The following APBA3 variants were observed in gnomAD, a reference collection of about 807,000 sequenced individuals.
APBA3 encodes amyloid beta precursor protein binding family A member 3, also known as amyloid-beta A4 precursor protein-binding family A member 3.
Under a neutral mutation model 55.9 loss-of-function variants are expected in APBA3, and 45 were observed. The ratio of observed to expected loss-of-function variants is 0.80; its 90% confidence interval spans 0.63 to 1.03. The LOEUF (loss-of-function observed/expected upper bound fraction) is 1.03, where lower values mean the gene tolerates loss of function less well. APBA3 is among the 50% of genes least tolerant of loss of function. The probability of loss-of-function intolerance (pLI) is 0.00; values close to 1 mark genes in which losing one functional copy is unlikely to be tolerated. For synonymous variants in APBA3, 370 were observed against 353.3 expected (o/e 1.05, Z -0.53); for missense variants, 865 against 820.3 (o/e 1.05, Z -0.67).
intron 9 of APBA3, 35 bp from the exon 10 acceptor site, chr19:3,751,364 G>A (rs1469286176): frequency 6.6e-7 from 1 of 1,518,040 alleles, no homozygotes. Context: ...GAAAGAGGTG[G>A]GGGCTGCTCA....
intron 3 of APBA3, 61 bp downstream of exon 3, chr19:3,759,500 G>A (rs1346757773): frequency 2.0e-6 from 3 of 1,496,826 alleles, no homozygotes; most frequent in African/African-American, 2.8e-5. Context: ...AGGCTGGTGA[G>A]CCTGATTCTG....
Position 3,759,911 on chromosome 19 carries a change from G to T in APBA3, c.354C>A (p.Cys118Ter), listed in dbSNP as rs759206668. The T allele has an allele frequency of 9.3e-6, 15 of 1,611,418 alleles. No homozygotes were observed. The highest frequency in any genetic ancestry group is 1.6e-4 in the Middle Eastern group (1 of 6,072). ...CAGTCTGGGAAGGCGGGCATTCCTC[G>T]CAGTGCAAGAGGCCCAGCAGGTCAT... is the stretch of plus-strand genomic sequence containing the variant. ...GRDDLLGLLH[C>*]EECPPSQTGP... The change falls in exon 2 of 11, where the codon TGC (cysteine) becomes TGA (stop). Residue 118 changes from cysteine to a stop codon, truncating the protein, a stop_gained. Transcript: ENST00000316757. LOFTEE classifies it high-confidence loss of function.
chr19:3,752,332 G>A (rs995158696), intron 8 of APBA3, among the ~76,000 whole-genome samples, 176 bp downstream of exon 8: 3 of 152,134 alleles, frequency 2.0e-5, no homozygotes, highest in African/African-American at 7.2e-5. Context: ...CCCTGGACAA[G>A]TGGCCTCCCT....
chr19:3,753,766 T>C lies in APBA3; in HGVS notation c.1010A>G (p.Asp337Gly). Residue 337 changes from aspartate (D) to glycine (G), a missense_variant and splice_region_variant, in exon 6 of 11, where the codon GAC becomes GGC. Asp to Gly is a moderately conservative substitution (Grantham distance 94). Transcript: ENST00000316757. The part of the protein sequence containing the change: ...KMLCHVFYAE[D>G]AQLIAQAIGQ... ...TGGCCCCGCGCCCTGGCTGCTCACGTCCTCCGCGTAGAATACGTGGCAGAG... is the reference window on the plus strand; with the variant it reads ...TGGCCCCGCGCCCTGGCTGCTCACGCCCTCCGCGTAGAATACGTGGCAGAG... 3 of 1,522,068 alleles carry C rather than the reference T, an allele frequency of 2.0e-6. No individual in the cohort carries two copies. The highest frequency in any genetic ancestry group is 2.6e-6 in the Non-Finnish European group (3 of 1,132,520). The allele number at this position is 1,522,068 out of a possible 1,614,324, so 94.3% of individuals were successfully genotyped here. A position where few individuals can be genotyped will look rare whatever the true frequency, so the allele number is the denominator to read the frequency against.
At position 3,759,679 on chromosome 19, in the gene APBA3, C is replaced by G. The variant is rs1340297812; in HGVS notation, c.576+10G>C. On this transcript the variant is annotated intron_variant, in intron 2 of 10. Transcript: ENST00000316757. Reference sequence around the variant, plus strand: ...AGTCCAGGATGCCTGGAGGGCGGGGCGGGCACTACCTGGGCACCAGCGGGT... The same window carrying G: ...AGTCCAGGATGCCTGGAGGGCGGGGGGGGCACTACCTGGGCACCAGCGGGT... The G allele has an allele frequency of 6.2e-7, 1 of 1,611,134 alleles. No homozygotes were observed. The highest frequency in any genetic ancestry group is 1.7e-5 in the Admixed American group (1 of 59,396).
rs563726209 is a variant in APBA3, at chr19:3,759,822, T to A, written c.443A>T (p.Asp148Val). Residue 148 changes from aspartate to valine, a missense_variant, in exon 2 of 11, where the codon GAT becomes GTT. By Grantham distance (152) the Asp-to-Val change is radical. Coordinates refer to ENST00000316757, the MANE Select transcript of APBA3 (RefSeq NM_004886.4). ...LLQPPEDPDEDSDSPEWVEGA... is the reference protein window; with the variant it reads ...LLQPPEDPDEVSDSPEWVEGA... ...CTCCACCCATTCTGGGGAGTCAGAA[T>A]CCTCATCTGGGTCCTCAGGGGGCTG... 6.2e-7 allele frequency: 1 copy of A among 1,612,540 alleles called. No individual in the cohort carries two copies. Among genetic ancestry groups the A allele is most frequent in the African/African-American group, 1.3e-5 (1 of 74,926 alleles).
chr19:3,759,754 A>C lies in APBA3; in HGVS notation c.511T>G (p.Ser171Ala), dbSNP rs1018253683. 2 of 1,612,330 alleles carry C rather than the reference A, an allele frequency of 1.2e-6. No homozygotes were observed. Among genetic ancestry groups the C allele is most frequent in the African/African-American group, 2.7e-5 (2 of 74,792 alleles). Residue 171 changes from serine to alanine, a missense_variant, in exon 2 of 11, where the codon TCC becomes GCC. Transcript: ENST00000316757. ...EQEGSRSSSS[S>A]PEPWLETVPL... ...ACCGTCTCCAGCCAGGGTTCCGGGG[A>C]ACTGCTTGAGCTCCTGCTGCCCTCC... is the stretch of plus-strand genomic sequence containing the variant.
intron 1 of APBA3, among the ~76,000 whole-genome samples, chr19:3,760,910 C>A (rs1221704350): frequency 6.6e-6 from 1 of 152,008 alleles, no homozygotes; most frequent in Non-Finnish European, 1.5e-5. Flanking sequence ...GAGGCCCTGT[C>A]TTAAAAAAAA....
At chr19:3,751,763 T>TC (rs1599170490) in intron 8 of APBA3, 1 of 590,252 alleles carries the variant, frequency 1.7e-6, no homozygotes, top group African/African-American at 1.9e-5. Flanking sequence ...ATCGCTTCCT[T>TC]ATGGCCAAAA....
intron 8 of APBA3, 57 bp from the exon 9 acceptor site, chr19:3,751,610 G>GC: frequency 2.0e-6 from 3 of 1,524,778 alleles, no homozygotes; most frequent in Non-Finnish European, 1.7e-6. Flanking sequence ...GCAGGTTGTA[G>GC]CCCCCTCTGG....
chr19:3,760,190 A>G lies in APBA3; in HGVS notation c.75T>C (p.Leu25=), dbSNP rs374609956. ...AMDLEGPRDI[L]VPSEDLTPDS... Reference sequence around the variant, plus strand: ...CAGGGGTGAGGTCCTCCGAAGGCACAAGAATGTCCCTGGGCCCCTCCAAGT... The same window carrying G: ...CAGGGGTGAGGTCCTCCGAAGGCACGAGAATGTCCCTGGGCCCCTCCAAGT... The change falls in exon 2 of 11, where the codon CTT becomes CTC. Residue 25 remains leucine, a synonymous_variant. Coordinates refer to ENST00000316757, the MANE Select transcript of APBA3 (RefSeq NM_004886.4). The G allele has an allele frequency of 2.4e-5, 39 of 1,612,950 alleles. No individual in the cohort carries two copies. In the East Asian group the frequency reaches 6.9e-4, roughly 29 times the overall value.
At position 3,753,841 on chromosome 19, in the gene APBA3, A is replaced by AGCC. The variant is rs1555742796; in HGVS notation, c.932_934dup (p.Arg311dup). ...GTCCTGGGGTGCCGGCCTCCGTGCC[A>AGCC]GCCGCCGCCGCGCCATCAGCACCAG... On this transcript the variant is annotated inframe_insertion, in exon 6 of 11. Transcript: ENST00000316757. 3 of 1,570,582 alleles carry AGCC rather than the reference A, an allele frequency of 1.9e-6. No homozygotes were observed. Among genetic ancestry groups the AGCC allele is most frequent in the South Asian group, 1.2e-5 (1 of 86,190 alleles).
chr19:3,752,088 C>T (rs1213271971), intron 8 of APBA3, among the ~76,000 whole-genome samples: 1 of 152,172 alleles, frequency 6.6e-6, no homozygotes, highest in Non-Finnish European at 1.5e-5. Context: ...GTGGTGCACA[C>T]CTGTGGTCCC....
chr19:3,753,235 G>A (rs933988293), intron 6 of APBA3: 14 of 565,800 alleles, frequency 2.5e-5, no homozygotes, highest in African/African-American at 7.5e-5. Flanking sequence ...AGCTCCCTGC[G>A]CATGGGCTGT....
At chr19:3,759,506 T>G (rs1408698759) in intron 3 of APBA3, 55 bp downstream of exon 3, 1 of 1,522,394 alleles carries the variant, frequency 6.6e-7, no homozygotes, top group African/African-American at 1.4e-5. Context: ...GTGAGCCTGA[T>G]TCTGGCTGTC....
intron 3 of APBA3, among the ~76,000 whole-genome samples, chr19:3,756,915 G>C (rs2037084999): frequency 6.6e-6 from 1 of 152,090 alleles, no homozygotes; most frequent in Admixed American, 6.6e-5. Flanking sequence ...CATGGTTCTA[G>C]AATTCTCCAG....
At position 3,750,816 on chromosome 19, in the gene APBA3, G is replaced by A. The variant is rs759586307; in HGVS notation, c.*210C>T. On this transcript the variant is annotated 3_prime_UTR_variant, in exon 11 of 11. Coordinates refer to ENST00000316757, the MANE Select transcript of APBA3 (RefSeq NM_004886.4). ...ATAAACAGAGTATTTTCACAGCACC[G>A]GCTTCTAGTGGCTTCCAGGAAGGAC... The A allele has an allele frequency of 3.2e-4, 306 of 966,014 alleles. No homozygotes were observed. Among genetic ancestry groups the A allele is most frequent in the Non-Finnish European group, 4.5e-4 (287 of 635,356 alleles). 59.8% of individuals were successfully genotyped at this position (966,014 alleles called of 1,614,324 possible).
intron 6 of APBA3, chr19:3,753,364 T>C (rs1334771952): frequency 5.4e-6 from 2 of 371,166 alleles, no homozygotes; most frequent in Admixed American, 4.3e-5. Context: ...TATAGGAGGC[T>C]GGACGCGGTG....
chr19:3,753,565 G>C, intron 6 of APBA3, 200 bp downstream of exon 6: 3 of 547,790 alleles, frequency 5.5e-6, no homozygotes, highest in Non-Finnish European at 6.2e-6. Context: ...AGGATCGCTT[G>C]AGCCTGGAAG....
Sources: allele counts gnomAD v4.1 joint callset (sites outside exome capture counted in the v4.1 genomes callset), GRCh38; gene constraint gnomAD v4.1.1; transcripts MANE v1.5; gene names NCBI Gene and HGNC (gene_info 2026-07-23, HGNC 2026-07-21).